KAZN: variants seen among roughly 807,000 people sequenced by gnomAD.
KAZN encodes the protein kazrin.
KAZN carries 40 observed loss-of-function variants against 87.4 expected under a neutral mutation model. The observed-to-expected ratio is 0.46, with a 90% CI of 0.36 to 0.60. The LOEUF is 0.60. KAZN is among the 20% of genes least tolerant of loss of function. The pLI is 0.00. For missense variants in KAZN, 898 were observed against 1,073.9 expected (o/e 0.84, Z 2.29); for synonymous variants, 466 against 458.3 (o/e 1.02, Z -0.22).
chr1:14,883,951 G>C (rs184376722), intron 1 of KAZN, among the ~76,000 whole-genome samples: 1 of 152,296 alleles, frequency 6.6e-6, no homozygotes, highest in Non-Finnish European at 1.5e-5. Flanking sequence ...AAAGAATAGG[G>C]TACAGGAATG....
At chr1:14,885,124 A>G (rs1653888446) in intron 1 of KAZN, among the ~76,000 whole-genome samples, 1 of 152,162 alleles carries the variant, frequency 6.6e-6, no homozygotes, top group African/African-American at 2.4e-5. Flanking sequence ...GAAATCAAGA[A>G]TCAACAAAAA....
chr1:14,697,246 T>A (rs1295721004), intron 1 of KAZN, among the ~76,000 whole-genome samples: 1 of 151,596 alleles, frequency 6.6e-6, no homozygotes, highest in Non-Finnish European at 1.5e-5. Context: ...AGGCGGATTG[T>A]TTAAGCCCCG....
At chr1:14,269,025 G>A (rs1349906469) in intron 2 of KAZN, among the ~76,000 whole-genome samples, 6 of 152,176 alleles carry the variant, frequency 3.9e-5, no homozygotes, top group Non-Finnish European at 8.8e-5. Flanking sequence ...AGCTAACTCT[G>A]CCCATTATAA....
chr1:14,176,923 G>T (rs191838186), intron 1 of KAZN, among the ~76,000 whole-genome samples: 1,727 of 152,260 alleles, frequency 0.011, 92 homozygotes, highest in Admixed American at 0.092. Flanking sequence ...ACTTTGGGAG[G>T]CCAAGGCGGG....
At chr1:14,959,244 C>T (rs997811013) in intron 1 of KAZN, among the ~76,000 whole-genome samples, 18 of 152,286 alleles carry the variant, frequency 1.2e-4, no homozygotes, top group African/African-American at 3.6e-4. Context: ...TCACACAGGG[C>T]GGTGAGAGAA....
chr1:14,452,531 T>A (rs1158861173), intron 2 of KAZN, among the ~76,000 whole-genome samples: 1 of 152,174 alleles, frequency 6.6e-6, no homozygotes, highest in African/African-American at 2.4e-5. Flanking sequence ...AGGGTTTGGA[T>A]TTATGACTCT....
At chr1:14,405,067 T>C (rs1043859887) in intron 2 of KAZN, among the ~76,000 whole-genome samples, 2 of 152,210 alleles carry the variant, frequency 1.3e-5, no homozygotes, top group East Asian at 3.9e-4. Context: ...GGTAGGGGGA[T>C]AGCAGTGTGT....
At chr1:15,084,322 G>C (rs889784475) in intron 8 of KAZN, among the ~76,000 whole-genome samples, 1 of 152,244 alleles carries the variant, frequency 6.6e-6, no homozygotes, top group Non-Finnish European at 1.5e-5. Flanking sequence ...AGGAAGCAGT[G>C]TGCTGGGTGG....
At chr1:15,089,732 CAAAAAAAAAAAAAAAAAAAAA>C (rs56260619) in intron 8 of KAZN, among the ~76,000 whole-genome samples, 2 of 68,914 alleles carry the variant, frequency 2.9e-5, no homozygotes, top group African/African-American at 4.9e-5. Flanking sequence ...CTTTTATTGG[CAAAAAAAAAAAAAAAAAAAAA>C]AAAAAAAAAG....
At chr1:13,958,126 C>T (rs1641613943) in intron 1 of KAZN, among the ~76,000 whole-genome samples, 1 of 152,208 alleles carries the variant, frequency 6.6e-6, no homozygotes, top group African/African-American at 2.4e-5. Context: ...AGGTACACAA[C>T]AGGGAACACC....
intron 2 of KAZN, among the ~76,000 whole-genome samples, chr1:14,217,395 C>T (rs1342163533): frequency 1.3e-5 from 2 of 151,680 alleles, no homozygotes; most frequent in Non-Finnish European, 2.9e-5. Context: ...AAAACTACAA[C>T]CCACTATTTC....
intron 1 of KAZN, among the ~76,000 whole-genome samples, chr1:14,646,376 C>T (rs1329319070): frequency 6.6e-6 from 1 of 152,140 alleles, no homozygotes; most frequent in African/African-American, 2.4e-5. Flanking sequence ...TGTGCCACTG[C>T]CCTCTAGCCT....
At chr1:15,037,281 T>G (rs768656684) in intron 3 of KAZN, among the ~76,000 whole-genome samples, 2 of 152,200 alleles carry the variant, frequency 1.3e-5, no homozygotes, top group Non-Finnish European at 2.9e-5. Flanking sequence ...TAGCCTTCAG[T>G]GACGTGCTGG....
At chr1:14,399,360 T>C (rs889341434) in intron 2 of KAZN, among the ~76,000 whole-genome samples, 10 of 152,122 alleles carry the variant, frequency 6.6e-5, no homozygotes, top group African/African-American at 2.2e-4. Context: ...AAATTACTGC[T>C]CCTAAATAAT....
At chr1:14,967,908 G>C (rs1664631133) in intron 2 of KAZN, among the ~76,000 whole-genome samples, 1 of 152,194 alleles carries the variant, frequency 6.6e-6, no homozygotes, top group South Asian at 2.1e-4. Flanking sequence ...AAATTAATTT[G>C]TATTATGTTA....
At chr1:14,252,572 A>G (rs1650143936) in intron 2 of KAZN, among the ~76,000 whole-genome samples, 1 of 152,074 alleles carries the variant, frequency 6.6e-6, no homozygotes, top group Admixed American at 6.6e-5. Flanking sequence ...TCTTCCTTCA[A>G]ATATCAGTTC....
At chr1:13,900,530 C>T (rs530749496) in intron 1 of KAZN, among the ~76,000 whole-genome samples, 5 of 152,310 alleles carry the variant, frequency 3.3e-5, no homozygotes, top group South Asian at 2.1e-4. Context: ...GTGGGGTCCT[C>T]ATAGCCTTGG....
At position 14,497,335 on chromosome 1, in the gene KAZN, TAAAAAAAAAAAAAAAA is replaced by T. The variant is rs70997150; in HGVS notation, c.250-101635_250-101620del. Among the ~76,000 whole-genome samples, 4 of 76,418 alleles carry T rather than the reference TAAAAAAAAAAAAAAAA, an allele frequency of 5.2e-5. No individual in the cohort carries two copies. The Admixed American group carries it at 6.3e-4, about 12-fold the overall frequency. 50.1% of individuals were successfully genotyped at this position (76,418 alleles called of 152,430 possible). On this transcript the variant is annotated intron_variant, in intron 2 of 16. Transcript: ENST00000636203. ...TCTATGCTTTACTTAATTCTGTTAC[TAAAAAAAAAAAAAAAA>T]AAAAAAAAAAAAGATCTTTTTTGTT...
chr1:14,877,593 C>G (rs1349697016), intron 1 of KAZN, among the ~76,000 whole-genome samples: 1 of 152,184 alleles, frequency 6.6e-6, no homozygotes, highest in African/African-American at 2.4e-5. Context: ...CTCCGAAAGC[C>G]TGTGACAGCT....
Sources: allele counts gnomAD v4.1 joint callset (sites outside exome capture counted in the v4.1 genomes callset), GRCh38; gene constraint gnomAD v4.1.1; transcripts MANE v1.5; gene names NCBI Gene and HGNC (gene_info 2026-07-23, HGNC 2026-07-21).